Variants in CADPS observed in about 807,000 individuals in gnomAD.
CADPS encodes the protein calcium dependent secretion activator.
In CADPS, 57 loss-of-function variants were observed where a neutral mutation model predicts 167.3. The ratio of observed to expected loss-of-function variants is 0.34; its 90% CI spans 0.28 to 0.42. CADPS has a LOEUF of 0.42. Ranked by LOEUF, CADPS falls within the 20% of genes least tolerant of loss-of-function variation. The probability of loss-of-function intolerance (pLI) is 1.00; values close to 1 mark genes in which losing one functional copy is unlikely to be tolerated. For synonymous variants in CADPS, 676 were observed against 635.3 expected (o/e 1.06, Z -0.96); for missense variants, 1,414 against 1,738.1 (o/e 0.81, Z 3.32).
intron 3 of CADPS, among the ~76,000 whole-genome samples, chr3:62,717,028 T>C (rs2084801377): frequency 6.6e-6 from 1 of 152,180 alleles, no homozygotes; most frequent in Non-Finnish European, 1.5e-5. Context: ...GGCAGGGCAG[T>C]TTTCTCTGTC....
intron 3 of CADPS, among the ~76,000 whole-genome samples, chr3:62,720,539 A>T (rs558256530): frequency 6.6e-6 from 1 of 152,002 alleles, no homozygotes; most frequent in Non-Finnish European, 1.5e-5. Flanking sequence ...GGGTCTTGTT[A>T]TGTTGTCCAG....
intron 4 of CADPS, among the ~76,000 whole-genome samples, chr3:62,654,846 G>T (rs1175722128): frequency 6.6e-6 from 1 of 152,194 alleles, no homozygotes; most frequent in Non-Finnish European, 1.5e-5. Flanking sequence ...GGAGGATGAA[G>T]AAAATAGCTA....
chr3:62,707,447 C>T (rs1393471614), intron 3 of CADPS, among the ~76,000 whole-genome samples: 2 of 152,110 alleles, frequency 1.3e-5, no homozygotes, highest in Non-Finnish European at 2.9e-5. Context: ...ATATCCATAA[C>T]ACTCAACACG....
intron 1 of CADPS, among the ~76,000 whole-genome samples, chr3:62,851,164 G>C (rs2078496528): frequency 7.4e-6 from 1 of 135,338 alleles, no homozygotes; most frequent in African/African-American, 2.7e-5. Flanking sequence ...GAGCCTATGT[G>C]TGTCTCTGCA....
chr3:62,516,035 A>T (rs1205036060), intron 16 of CADPS, 24 bp downstream of exon 16: 1 of 1,611,768 alleles, frequency 6.2e-7, no homozygotes, highest in Admixed American at 1.7e-5. Context: ...TAAATTCAAA[A>T]CTGGGGGCAG....
At chr3:62,586,228 A>T (rs1316991654) in intron 7 of CADPS, among the ~76,000 whole-genome samples, 2 of 152,216 alleles carry the variant, frequency 1.3e-5, no homozygotes, top group Admixed American at 6.5e-5. Context: ...TGCTTCTGTG[A>T]TGGCAGCACG....
chr3:62,768,627 G>A (rs1159282732), intron 1 of CADPS, among the ~76,000 whole-genome samples: 1 of 151,980 alleles, frequency 6.6e-6, no homozygotes, highest in Non-Finnish European at 1.5e-5. Flanking sequence ...CTCAACCCCT[G>A]ATCTCACCTG....
At chr3:62,691,607 G>A (rs1275300555) in intron 3 of CADPS, among the ~76,000 whole-genome samples, 1 of 152,018 alleles carries the variant, frequency 6.6e-6, no homozygotes, top group Non-Finnish European at 1.5e-5. Flanking sequence ...CCATAAAAAG[G>A]AACTAGATCA....
At chr3:62,402,648 G>C (rs1017114061) in intron 29 of CADPS, among the ~76,000 whole-genome samples, 2 of 152,200 alleles carry the variant, frequency 1.3e-5, no homozygotes, top group African/African-American at 4.8e-5. Flanking sequence ...TTTGCATTCT[G>C]ATAATGATCA....
intron 3 of CADPS, among the ~76,000 whole-genome samples, chr3:62,715,967 G>A (rs985425059): frequency 5.3e-5 from 8 of 151,760 alleles, no homozygotes; most frequent in Non-Finnish European, 1.0e-4. Flanking sequence ...GGATGGTCTC[G>A]ATCTCCTGAC....
intron 9 of CADPS, among the ~76,000 whole-genome samples, chr3:62,565,236 T>C (rs2079935685): frequency 6.6e-6 from 1 of 152,124 alleles, no homozygotes. Flanking sequence ...TGGGTTAGGG[T>C]TTGCAGCCAG....
At chr3:62,599,107 C>A (rs921456168) in intron 6 of CADPS, among the ~76,000 whole-genome samples, 11 of 151,938 alleles carry the variant, frequency 7.2e-5, no homozygotes, top group Admixed American at 6.6e-4. Context: ...TTTAAAGTGT[C>A]CCAGAACTGA....
At chr3:62,573,400 T>C (rs2081654787) in intron 8 of CADPS, among the ~76,000 whole-genome samples, 1 of 152,220 alleles carries the variant, frequency 6.6e-6, no homozygotes, top group Admixed American at 6.5e-5. Context: ...CAATTGTATT[T>C]GATCCATGCT....
At position 62,466,733 on chromosome 3, in the gene CADPS, C is replaced by G. The variant is rs369486669; in HGVS notation, c.3478-320G>C. Reference sequence around the variant, plus strand: ...CAGCAGTGTGTTGATTTGGATCTTACAAAGCAGGATACTGTAATAATTTAA... The same window carrying G: ...CAGCAGTGTGTTGATTTGGATCTTAGAAAGCAGGATACTGTAATAATTTAA... On this transcript the variant is annotated intron_variant, in intron 24 of 29. Transcript: ENST00000383710. The G allele has an allele frequency of 1.9e-3, 640 of 342,082 alleles. 4 individuals are homozygous for G. The highest frequency in any genetic ancestry group is 0.013 in the African/African-American group (596 of 47,666). The allele number at this position is 342,082 out of a possible 1,614,324, so 21.2% of individuals were successfully genotyped here. A position where few individuals can be genotyped will look rare whatever the true frequency, so the allele number is the denominator to read the frequency against.
intron 6 of CADPS, among the ~76,000 whole-genome samples, chr3:62,631,783 A>G (rs1300306455): frequency 6.6e-6 from 1 of 152,182 alleles, no homozygotes; most frequent in Non-Finnish European, 1.5e-5. Context: ...CCAGGCTCAT[A>G]TTTAAAAGCT....
At position 62,459,587 on chromosome 3, in the gene CADPS, C is replaced by T. The variant is rs73092123; in HGVS notation, c.3636+5780G>A. Among the ~76,000 whole-genome samples, 1,028 of 152,292 alleles carry T rather than the reference C, an allele frequency of 6.8e-3. 9 individuals carry two copies. The highest frequency in any genetic ancestry group is 0.012 in the Non-Finnish European group (845 of 68,032). On this transcript the variant is annotated intron_variant, in intron 26 of 29. Transcript: ENST00000383710. ...CTCTACTTATTTTTTAGGTCTCAGC[C>T]CAAATGTCATTTCCTTCAATGGTCT...
intron 19 of CADPS, among the ~76,000 whole-genome samples, chr3:62,493,300 G>A (rs983645317): frequency 6.6e-6 from 1 of 152,094 alleles, no homozygotes; most frequent in African/African-American, 2.4e-5. Context: ...TTTCTGGCAG[G>A]GAGCATGCAG....
At chr3:62,477,437 T>G (rs1337939656) in intron 23 of CADPS, among the ~76,000 whole-genome samples, 2 of 152,086 alleles carry the variant, frequency 1.3e-5, no homozygotes, top group African/African-American at 4.8e-5. Flanking sequence ...GAATTTTATT[T>G]CTATATTTGA....
In CADPS at chr3:62,474,153, A is replaced by AT. The variant is rs61586697; in HGVS notation, c.3477+19dup. ...AATGAAGAGGGAAAAAAAAATCTGTATTTTTTTTTTTTTTTTTACCTCTTG... is the reference window on the plus strand; with the variant it reads ...AATGAAGAGGGAAAAAAAAATCTGTATTTTTTTTTTTTTTTTTTACCTCTTG... On this transcript the variant is annotated intron_variant, in intron 24 of 29. Transcript: ENST00000383710. The AT allele has an allele frequency of 0.022, 16,149 of 737,920 alleles. 70 individuals carry two copies. Among genetic ancestry groups the AT allele is most frequent in the Non-Finnish European group, 0.024 (13,254 of 549,776 alleles). 45.7% of individuals were successfully genotyped at this position (737,920 alleles called of 1,614,324 possible).
Sources: gnomAD v4.1 joint callset for allele counts (sites outside exome capture counted in the v4.1 genomes callset) on GRCh38, gnomAD v4.1.1 for gene constraint, MANE v1.5 for transcripts, NCBI Gene and HGNC (gene_info 2026-07-23, HGNC 2026-07-21) for gene names.